The following PPHLN1 variants were observed in gnomAD, a reference collection of about 807,000 sequenced individuals.
PPHLN1 encodes the protein periphilin 1.
A neutral mutation model predicts 51.3 loss-of-function variants in PPHLN1; 29 were observed. The ratio of observed to expected loss-of-function variants is 0.57; its 90% CI spans 0.42 to 0.77. The LOEUF is 0.77. PPHLN1 is among the 30% of genes least tolerant of loss of function. The probability of loss-of-function intolerance (pLI) is 0.00; values close to 1 mark genes in which losing one functional copy is unlikely to be tolerated. For missense variants in PPHLN1, 436 were observed against 438.4 expected, an observed-to-expected ratio of 0.99 and a Z score of 0.05; for synonymous variants, 147 against 147.8, an observed-to-expected ratio of 0.99 and a Z score of 0.04.
At chr12:42,442,533 A>G, downstream of PPHLN1, 5 of 1,464,550 alleles carry the variant, frequency 3.4e-6, no homozygotes, top group Non-Finnish European at 2.8e-6. Flanking sequence ...GCTCCAGCTT[A>G]TCAGGACTGC....
intron 9 of PPHLN1, chr12:42,399,467 T>A: frequency 1.1e-6 from 1 of 913,332 alleles, no homozygotes; most frequent in African/African-American, 1.8e-5. Flanking sequence ...ACTTTGTTTT[T>A]AATGTGCAAC....
chr12:42,329,451 C>T (rs1365473903), intron 1 of PPHLN1, among the ~76,000 whole-genome samples: 1 of 152,146 alleles, frequency 6.6e-6, no homozygotes, highest in Non-Finnish European at 1.5e-5. Context: ...TATTAATTCA[C>T]TCTGAATACT....
intron 4 of PPHLN1, among the ~76,000 whole-genome samples, chr12:42,365,409 A>G (rs150623604): frequency 7.6e-4 from 116 of 152,276 alleles, no homozygotes; most frequent in African/African-American, 2.5e-3. Context: ...CCATCTCCCC[A>G]TTCTTCCCTT....
At chr12:42,346,181 C>T (rs1411398784) in intron 2 of PPHLN1, among the ~76,000 whole-genome samples, 1 of 152,114 alleles carries the variant, frequency 6.6e-6, no homozygotes, top group Admixed American at 6.6e-5. Flanking sequence ...GATCTCTAGA[C>T]TTATTCATCT....
rs576591454 is a variant in PPHLN1, at chr12:42,351,376, A to G, written c.73-509A>G. ...GCTTTTATTTTGCTTCTAGACCTGTAAAGCCAATCTCCTCCCTCCATTACT... is the reference window on the plus strand; with the variant it reads ...GCTTTTATTTTGCTTCTAGACCTGTGAAGCCAATCTCCTCCCTCCATTACT... On this transcript the variant is annotated intron_variant, in intron 2 of 9. Transcript: ENST00000358314. The G allele has an allele frequency of 2.0e-5, 3 of 152,336 alleles. No homozygotes were observed. The South Asian group carries it at 6.2e-4, about 32-fold the overall frequency. The allele number at this position is 152,336 out of a possible 1,614,324, so 9.4% of individuals were successfully genotyped here. A position where few individuals can be genotyped will look rare whatever the true frequency, so the allele number is the denominator to read the frequency against.
chr12:42,363,948 G>A (rs1455831498), intron 4 of PPHLN1, among the ~76,000 whole-genome samples: 1 of 152,186 alleles, frequency 6.6e-6, no homozygotes, highest in African/African-American at 2.4e-5. Flanking sequence ...TAGCGGTCGG[G>A]CTCAGTGGCT....
chr12:42,438,819 G>T (rs2139973536), intron 9 of PPHLN1, among the ~76,000 whole-genome samples: 1 of 152,140 alleles, frequency 6.6e-6, no homozygotes, highest in South Asian at 2.1e-4. Context: ...GGTCAGGCTG[G>T]TCTCAAACTC....
chr12:42,328,765 A>G (rs2069190432), intron 1 of PPHLN1, among the ~76,000 whole-genome samples: 1 of 152,090 alleles, frequency 6.6e-6, no homozygotes, highest in Non-Finnish European at 1.5e-5. Flanking sequence ...GCTGGAGTGC[A>G]GTGGCACGAT....
intron 4 of PPHLN1, among the ~76,000 whole-genome samples, chr12:42,367,072 A>C (rs1224336614): frequency 6.6e-6 from 1 of 152,138 alleles, no homozygotes; most frequent in African/African-American, 2.4e-5. Context: ...CATTCTTCTC[A>C]TCACAATTAA....
At chr12:42,446,453 C>T, downstream of PPHLN1, 1 of 1,332,358 alleles carries the variant, frequency 7.5e-7, no homozygotes, top group Non-Finnish European at 1.0e-6. Context: ...AGTGGGGTTC[C>T]TCAGTAACAG....
chr12:42,336,849 T>C (rs2070736163), intron 2 of PPHLN1, among the ~76,000 whole-genome samples: 1 of 152,198 alleles, frequency 6.6e-6, no homozygotes, highest in Non-Finnish European at 1.5e-5. Flanking sequence ...TTATATACCA[T>C]CAAAAGCCAC....
chr12:42,357,876 A>G (rs1424309375), intron 4 of PPHLN1, among the ~76,000 whole-genome samples: 1 of 151,972 alleles, frequency 6.6e-6, no homozygotes, highest in African/African-American at 2.4e-5. Flanking sequence ...CTCATCCCTC[A>G]CTCACCTCCC....
At chr12:42,418,324 CA>C (rs2139649550) in intron 9 of PPHLN1, among the ~76,000 whole-genome samples, 1 of 148,614 alleles carries the variant, frequency 6.7e-6, no homozygotes, top group African/African-American at 2.5e-5. Context: ...ATGAGCACTG[CA>C]GAATATTTTG....
At chr12:42,327,471 A>C (rs531389957) in intron 1 of PPHLN1, among the ~76,000 whole-genome samples, 3 of 152,182 alleles carry the variant, frequency 2.0e-5, no homozygotes, top group African/African-American at 7.2e-5. Context: ...CAGTATCTTC[A>C]CAAAGGCTCT....
intron 2 of PPHLN1, chr12:42,351,223 C>G (rs892024848): frequency 6.6e-6 from 1 of 152,118 alleles, no homozygotes; most frequent in East Asian, 1.9e-4. Context: ...TATTTTATAG[C>G]AGCTACTAAC....
chr12:42,441,916 A>G lies in PPHLN1; in HGVS notation c.*407A>G. The stretch of plus-strand genomic sequence containing the variant: ...TAGGCTTTGTAACTTGTAATATGTT[A>G]AAGTGTACTATCCTAATAAACTGAA... On this transcript the variant is annotated 3_prime_UTR_variant, in exon 10 of 10. Coordinates refer to ENST00000358314, the MANE Select transcript of PPHLN1 (RefSeq NM_201439.2). 5.1e-6 allele frequency: 5 copies of G among 974,752 alleles called. No individual in the cohort carries two copies. The highest frequency in any genetic ancestry group is 6.1e-6 in the Non-Finnish European group (5 of 818,944). 60.4% of individuals were successfully genotyped at this position (974,752 alleles called of 1,614,324 possible). A position where few individuals can be genotyped will look rare whatever the true frequency, so the allele number is the denominator to read the frequency against.
chr12:42,414,790 C>G (rs2080222741), intron 9 of PPHLN1, among the ~76,000 whole-genome samples: 1 of 152,168 alleles, frequency 6.6e-6, no homozygotes, highest in African/African-American at 2.4e-5. Context: ...CCTGATTGTT[C>G]TGGCTAGGCC....
At chr12:42,375,283 CACTT>C (rs2076162758) in intron 5 of PPHLN1, 2 of 304,916 alleles carry the variant, frequency 6.6e-6, no homozygotes, top group Non-Finnish European at 1.2e-5. Flanking sequence ...TTCTGCATGA[CACTT>C]ACCTTTAATT....
intron 3 of PPHLN1, among the ~76,000 whole-genome samples, chr12:42,352,330 AC>A (rs1422523772): frequency 6.6e-6 from 1 of 151,838 alleles, no homozygotes; most frequent in East Asian, 1.9e-4. Context: ...GATTTGCAAA[AC>A]CATTTAAAGG....
Sources: allele counts gnomAD v4.1 joint callset (sites outside exome capture counted in the v4.1 genomes callset), GRCh38; gene constraint gnomAD v4.1.1; transcripts MANE v1.5; gene names NCBI Gene and HGNC (gene_info 2026-07-23, HGNC 2026-07-21).